The following SOCS4 variants were observed in gnomAD, a reference collection of about 807,000 sequenced individuals.
SOCS4 encodes the protein SH2 domain containing SOCS box protein.
A neutral mutation model predicts 34.1 loss-of-function variants in SOCS4; 20 were observed. The ratio of observed to expected loss-of-function variants is 0.59; its 90% CI spans 0.41 to 0.85. The LOEUF is 0.85. Among genes scored for constraint, SOCS4 ranks in the 40% least tolerant of loss-of-function variants. The pLI, the probability that SOCS4 is intolerant of heterozygous loss-of-function variation, is 0.00. For missense variants in SOCS4, 479 were observed against 532.4 expected (o/e 0.90, Z 0.99); for synonymous variants, 180 against 186.4 (o/e 0.97, Z 0.28).
Position 55,044,989 on chromosome 14 carries a change from G to T in SOCS4, c.*625G>T, listed in dbSNP as rs895703514. The stretch of plus-strand genomic sequence containing the variant: ...ATTTTAAATATTAACTCTAAAGCAG[G>T]ATTACTAAATTTGATTAATCTGGTC... On this transcript the variant is annotated 3_prime_UTR_variant, in exon 3 of 3. Transcript: ENST00000555846. 1.8e-5 allele frequency: 3 copies of T among 166,890 alleles called. No homozygotes were observed. The highest frequency in any genetic ancestry group is 7.2e-5 in the African/African-American group (3 of 41,394). 10.3% of individuals were successfully genotyped at this position (166,890 alleles called of 1,614,324 possible).
intron 2 of SOCS4, among the ~76,000 whole-genome samples, chr14:55,033,460 C>A (rs1199216977): frequency 6.6e-6 from 1 of 152,116 alleles, no homozygotes. Flanking sequence ...TTCTAAATAT[C>A]TTTTTTCTGA....
rs1371579179 is a variant in SOCS4, at chr14:55,045,570, T to C, written c.*1206T>C. The C allele has an allele frequency of 6.0e-6, 1 of 166,890 alleles. No homozygotes were observed. The allele number at this position is 166,890 out of a possible 1,614,324, so 10.3% of individuals were successfully genotyped here. On this transcript the variant is annotated 3_prime_UTR_variant, in exon 3 of 3. Coordinates refer to ENST00000555846, the MANE Select transcript of SOCS4 (RefSeq NM_199421.2). ...TGACTTACACCATACAGAACAGTAC[T>C]GGACAAAAGGGGTGATATTTTAAAT...
Position 55,047,349 on chromosome 14 carries a change from A to AT in SOCS4, c.*2992dup, listed in dbSNP as rs552539517. 213 of 167,036 alleles carry AT rather than the reference A, an allele frequency of 1.3e-3. No homozygotes were observed. The highest frequency in any genetic ancestry group is 1.8e-3 in the Non-Finnish European group (125 of 68,058). The allele number at this position is 167,036 out of a possible 1,614,324, so 10.3% of individuals were successfully genotyped here. On this transcript the variant is annotated 3_prime_UTR_variant, in exon 3 of 3. Coordinates refer to ENST00000555846, the MANE Select transcript of SOCS4 (RefSeq NM_199421.2). The stretch of plus-strand genomic sequence containing the variant: ...CTTTACAGGACATACTCCCACTCCC[A>AT]TTTTTTTCTAAGCCTACAGCATCTT...
Position 55,046,719 on chromosome 14 carries a change from ACT to A in SOCS4, c.*2358_*2359del, listed in dbSNP as rs1330674744. 2 of 166,992 alleles carry A rather than the reference ACT, an allele frequency of 1.2e-5. No individual in the cohort carries two copies. The highest frequency in any genetic ancestry group is 2.9e-5 in the Non-Finnish European group (2 of 68,058). The allele number at this position is 166,992 out of a possible 1,614,324, so 10.3% of individuals were successfully genotyped here. On this transcript the variant is annotated 3_prime_UTR_variant, in exon 3 of 3. Coordinates refer to ENST00000555846, the MANE Select transcript of SOCS4 (RefSeq NM_199421.2). ...ATGAGAGCAGGGAGGAGATTCATTG[ACT>A]CTGAAATGATTTTTATTTTTCCTTT...
At position 55,043,056 on chromosome 14, in the gene SOCS4, T is replaced by C. The variant is rs1025412157; in HGVS notation, c.15T>C (p.Asn5=). MAEN[N]ENISKNVDVR... ...AATTTGTTAACATGGCAGAAAATAA[T>C]GAAAATATTAGTAAAAATGTAGATG... The change falls in exon 3 of 3, where the codon AAT becomes AAC. Residue 5 remains asparagine (N), a synonymous_variant. Transcript: ENST00000555846. 6.9e-6 allele frequency: 11 copies of C among 1,601,652 alleles called. No individual in the cohort carries two copies. The highest frequency in any genetic ancestry group is 8.5e-6 in the Non-Finnish European group (10 of 1,173,688).
intron 2 of SOCS4, among the ~76,000 whole-genome samples, chr14:55,041,583 G>A (rs2042618607): frequency 6.7e-6 from 1 of 149,812 alleles, no homozygotes; most frequent in African/African-American, 2.5e-5. Context: ...GGTTCAAGCA[G>A]TTCTCCTCAG....
Position 55,044,887 on chromosome 14 carries a change from CTAA to C in SOCS4, c.*525_*527del, listed in dbSNP as rs1300233780. The C allele has an allele frequency of 6.0e-6, 1 of 166,982 alleles. No individual in the cohort carries two copies. The highest frequency in any genetic ancestry group is 1.5e-5 in the Non-Finnish European group (1 of 68,094). 10.3% of individuals were successfully genotyped at this position (166,982 alleles called of 1,614,324 possible). A position where few individuals can be genotyped will look rare whatever the true frequency, so the allele number is the denominator to read the frequency against. On this transcript the variant is annotated 3_prime_UTR_variant, in exon 3 of 3. Coordinates refer to ENST00000555846, the MANE Select transcript of SOCS4 (RefSeq NM_199421.2). The stretch of plus-strand genomic sequence containing the variant: ...TGAATGTTGTAATTCACCATTCATA[CTAA>C]TGTTATTGACTTTTGTAACTTACTA...
In SOCS4 at chr14:55,035,497, A is replaced by G. The variant is rs147903916; in HGVS notation, c.-91+3506A>G. Among the ~76,000 whole-genome samples, 117 of 152,236 alleles carry G rather than the reference A, an allele frequency of 7.7e-4. 3 individuals are homozygous for G. In the East Asian group the frequency reaches 0.02, roughly 26 times the overall value. On this transcript the variant is annotated intron_variant, in intron 2 of 2. Coordinates refer to ENST00000555846, the MANE Select transcript of SOCS4 (RefSeq NM_199421.2). ...CTGAAAATTATATTTGCTCATGAAA[A>G]TCTCTTTACCTTGTAGTAACACTGC...
chr14:55,033,003 C>T (rs1033970394), intron 2 of SOCS4, among the ~76,000 whole-genome samples: 3 of 152,040 alleles, frequency 2.0e-5, no homozygotes, highest in African/African-American at 7.3e-5. Context: ...AGGATGGTCT[C>T]GATCTCCTGA....
chr14:55,046,666 T>A lies in SOCS4; in HGVS notation c.*2302T>A, dbSNP rs1298719078. On this transcript the variant is annotated 3_prime_UTR_variant, in exon 3 of 3. Coordinates refer to ENST00000555846, the MANE Select transcript of SOCS4 (RefSeq NM_199421.2). ...AACACTTAAAAAGTACTGCCACATA[T>A]GTAGCCTTGAAGTAGTTGATCTAAT... The A allele has an allele frequency of 1.8e-5, 3 of 167,024 alleles. No individual in the cohort carries two copies. The highest frequency in any genetic ancestry group is 2.9e-5 in the Non-Finnish European group (2 of 68,054). The allele number at this position is 167,024 out of a possible 1,614,324, so 10.3% of individuals were successfully genotyped here. A position where few individuals can be genotyped will look rare whatever the true frequency, so the allele number is the denominator to read the frequency against.
chr14:55,035,018 AC>A (rs1228355497), intron 2 of SOCS4, among the ~76,000 whole-genome samples: 1 of 151,878 alleles, frequency 6.6e-6, no homozygotes, highest in Non-Finnish European at 1.5e-5. Flanking sequence ...ACGCCACCAC[AC>A]CCGGCTAATT....
rs78214911 is a variant in SOCS4 at position 55,032,759 on chromosome 14, C to T, written c.-91+768C>T. On this transcript the variant is annotated intron_variant, in intron 2 of 2. Transcript: ENST00000555846. ...TGTCACATGAAATTGTTGGTAAAGC[C>T]ACCTTATTATTATTCTACCTCATGT... Among the ~76,000 whole-genome samples, 358 of 111,830 alleles carry T rather than the reference C, an allele frequency of 3.2e-3. 1 individual carries two copies. The highest frequency in any genetic ancestry group is 0.015 in the African/African-American group (321 of 21,260). The allele number at this position is 111,830 out of a possible 152,430, so 73.4% of individuals were successfully genotyped here.
chr14:55,035,163 C>T (rs2042561993), intron 2 of SOCS4, among the ~76,000 whole-genome samples: 1 of 152,120 alleles, frequency 6.6e-6, no homozygotes, highest in South Asian at 2.1e-4. Flanking sequence ...GCCCGGCCTG[C>T]ATTAGCTCTT....
In SOCS4 at chr14:55,043,307, G is replaced by T. The variant is rs773099802; in HGVS notation, c.266G>T (p.Arg89Leu). 5.0e-6 allele frequency: 8 copies of T among 1,614,192 alleles called. No homozygotes were observed. The highest frequency in any genetic ancestry group is 1.7e-5 in the Admixed American group (1 of 60,022). Residue 89 changes from arginine (R) to leucine (L), a missense_variant, in exon 3 of 3, where the codon CGA (arginine) becomes CTA (leucine). Coordinates refer to ENST00000555846, the MANE Select transcript of SOCS4 (RefSeq NM_199421.2). The part of the protein sequence containing the change: ...DHSCGHRFLG[R>L]SLKQKLQDAV... ...TCCTGTGGGCATCGATTTTTAGGCC[G>T]ATCTCTTAAACAGAAACTGCAAGAT... is the stretch of plus-strand genomic sequence containing the variant.
intron 2 of SOCS4, among the ~76,000 whole-genome samples, chr14:55,036,970 G>A (rs1456454253): frequency 1.3e-5 from 2 of 151,758 alleles, no homozygotes; most frequent in Non-Finnish European, 2.9e-5. Context: ...ACAAAAATTA[G>A]CCAGGCATGG....
intron 1 of SOCS4, 58 bp from the exon 2 acceptor site, chr14:55,031,805 T>C (rs1468272309): frequency 3.3e-5 from 5 of 152,198 alleles, no homozygotes; most frequent in Non-Finnish European, 5.9e-5. Context: ...GTTTTTTAGG[T>C]CAGATATTTT....
rs1277850270 is a variant in SOCS4 at position 55,045,729 on chromosome 14, C to A, written c.*1365C>A. 7 of 166,820 alleles carry A rather than the reference C, an allele frequency of 4.2e-5. No homozygotes were observed. The highest frequency in any genetic ancestry group is 1.7e-4 in the African/African-American group (7 of 41,410). The allele number at this position is 166,820 out of a possible 1,614,324, so 10.3% of individuals were successfully genotyped here. Reference sequence around the variant, plus strand: ...ATAATAAATGTAGATAGACAATTTTCTTCTGGTGAGCTGTCTAACCCTTTG... The same window carrying A: ...ATAATAAATGTAGATAGACAATTTTATTCTGGTGAGCTGTCTAACCCTTTG... On this transcript the variant is annotated 3_prime_UTR_variant, in exon 3 of 3. Coordinates refer to ENST00000555846, the MANE Select transcript of SOCS4 (RefSeq NM_199421.2).
rs1428174841 is a variant in SOCS4, at chr14:55,047,961, G to A, written c.*3597G>A. On this transcript the variant is annotated 3_prime_UTR_variant, in exon 3 of 3. Coordinates refer to ENST00000555846, the MANE Select transcript of SOCS4 (RefSeq NM_199421.2). ...TTGAGACAGAGTCTCGCTGTTGTCA[G>A]CCCAGGCTGGAGTGCAATGGCGCAA... 6.0e-6 allele frequency: 1 copy of A among 166,812 alleles called. No individual in the cohort carries two copies. The highest frequency in any genetic ancestry group is 1.9e-4 in the East Asian group (1 of 5,202). 10.3% of individuals were successfully genotyped at this position (166,812 alleles called of 1,614,324 possible).
intron 2 of SOCS4, among the ~76,000 whole-genome samples, chr14:55,036,699 T>C (rs1463543111): frequency 6.6e-6 from 1 of 152,182 alleles, no homozygotes; most frequent in Non-Finnish European, 1.5e-5. Flanking sequence ...GTCCATTTTG[T>C]TGTTGTTTTC....
Sources: gnomAD v4.1 joint callset for allele counts (sites outside exome capture counted in the v4.1 genomes callset) on GRCh38, gnomAD v4.1.1 for gene constraint, MANE v1.5 for transcripts, NCBI Gene and HGNC (gene_info 2026-07-23, HGNC 2026-07-21) for gene names.